GHR: variants seen among roughly 807,000 people sequenced by gnomAD.
The protein encoded by GHR is GH receptor.
A neutral mutation model predicts 67.1 loss-of-function variants in GHR; 35 were observed. The observed-to-expected ratio is 0.52, with a 90% CI of 0.40 to 0.69. The LOEUF (loss-of-function observed/expected upper bound fraction) is 0.69, where lower values mean the gene tolerates loss of function less well. GHR is among the 30% of genes least tolerant of loss of function. GHR has a pLI of 0.00. For synonymous variants in GHR, 272 were observed against 269.1 expected (o/e 1.01, Z -0.10); for missense variants, 792 against 764.6 (o/e 1.04, Z -0.42).
At chr5:42,652,328 T>G (rs1412920938) in intron 3 of GHR, among the ~76,000 whole-genome samples, 1 of 152,050 alleles carries the variant, frequency 6.6e-6, no homozygotes, top group Non-Finnish European at 1.5e-5. Context: ...TCTGTTGGTA[T>G]GGCTAGAAGT....
intron 3 of GHR, among the ~76,000 whole-genome samples, chr5:42,643,155 G>A (rs934682940): frequency 3.9e-5 from 6 of 152,168 alleles, no homozygotes; most frequent in Non-Finnish European, 5.9e-5. Context: ...AAAAATTCAC[G>A]CCACAACTGA....
chr5:42,524,130 CTTTGGAACTGGGTAACTGGCAGAG>C, intron 1 of GHR, among the ~76,000 whole-genome samples: 1 of 152,260 alleles, frequency 6.6e-6, no homozygotes, highest in South Asian at 2.1e-4. Context: ...GTGGAAGTGA[CTTTGGAACTGGGTAACTGGCAGAG>C]TTTGGAAGAG....
intron 1 of GHR, among the ~76,000 whole-genome samples, chr5:42,465,214 G>A (rs931670236): frequency 6.6e-6 from 1 of 152,156 alleles, no homozygotes; most frequent in Admixed American, 6.5e-5. Flanking sequence ...GGGCGCAGAG[G>A]CTGCTGTCAA....
chr5:42,445,639 T>C (rs531347122), intron 1 of GHR, among the ~76,000 whole-genome samples: 3 of 152,370 alleles, frequency 2.0e-5, no homozygotes, highest in South Asian at 4.1e-4. Flanking sequence ...TTTATCCTGA[T>C]GTAAATCACA....
In GHR at chr5:42,720,196, A is replaced by C. The variant is rs1758950950; in HGVS notation, c.*772A>C. Reference sequence around the variant, plus strand: ...GATTGTAGTAATCTGCATTATTGGAATATAATTGTTTTATCTGAATTTTTA... The same window carrying C: ...GATTGTAGTAATCTGCATTATTGGACTATAATTGTTTTATCTGAATTTTTA... On this transcript the variant is annotated 3_prime_UTR_variant, in exon 10 of 10. Coordinates refer to ENST00000230882, the MANE Select transcript of GHR (RefSeq NM_000163.5). 6.6e-6 allele frequency: 1 copy of C among 152,292 alleles called. No homozygotes were observed. The highest frequency in any genetic ancestry group is 1.5e-5 in the Non-Finnish European group (1 of 68,074). 9.4% of individuals were successfully genotyped at this position (152,292 alleles called of 1,614,324 possible). A position where few individuals can be genotyped will look rare whatever the true frequency, so the allele number is the denominator to read the frequency against.
intron 5 of GHR, 130 bp downstream of exon 5, chr5:42,695,219 T>C: frequency 1.4e-6 from 1 of 720,258 alleles, no homozygotes; most frequent in East Asian, 2.7e-5. Context: ...AGATCTGTTT[T>C]ACAGGAGATG....
At chr5:42,579,132 TAGATAGATG>T (rs1750975930) in intron 2 of GHR, among the ~76,000 whole-genome samples, 23 of 81,522 alleles carry the variant, frequency 2.8e-4, no homozygotes, top group East Asian at 1.4e-3. Flanking sequence ...GATAGATAGA[TAGATAGATG>T]ATAGATAGAT....
chr5:42,489,924 C>A (rs1431629453), intron 1 of GHR, among the ~76,000 whole-genome samples: 1 of 152,136 alleles, frequency 6.6e-6, no homozygotes, highest in Non-Finnish European at 1.5e-5. Context: ...TAAATATCCT[C>A]CCTTTTTTTC....
At chr5:42,468,467 G>A (rs928800844) in intron 1 of GHR, 2 of 831,784 alleles carry the variant, frequency 2.4e-6, no homozygotes, top group African/African-American at 3.4e-5. Context: ...CAGCTGAGAG[G>A]CCCGACCAGA....
chr5:42,463,918 G>A (rs886104699), intron 1 of GHR, among the ~76,000 whole-genome samples: 11 of 140,898 alleles, frequency 7.8e-5, no homozygotes, highest in African/African-American at 2.9e-4. Flanking sequence ...GCGTGAACCC[G>A]AGAGGCGGAG....
At chr5:42,661,551 T>G (rs1755624172) in intron 3 of GHR, among the ~76,000 whole-genome samples, 2 of 152,118 alleles carry the variant, frequency 1.3e-5, no homozygotes, top group South Asian at 4.1e-4. Context: ...GACAAGCAAA[T>G]GCTGAGAGAT....
intron 2 of GHR, among the ~76,000 whole-genome samples, chr5:42,573,053 T>C (rs1394359733): frequency 1.3e-5 from 2 of 152,236 alleles, no homozygotes; most frequent in South Asian, 2.1e-4. Context: ...TAAAATGTTA[T>C]AGAATTAAAA....
chr5:42,641,526 C>T (rs541200041), intron 3 of GHR, among the ~76,000 whole-genome samples: 2 of 152,162 alleles, frequency 1.3e-5, no homozygotes, highest in South Asian at 4.1e-4. Context: ...GCTGGTGAAC[C>T]ATGGCTGGCT....
intron 1 of GHR, among the ~76,000 whole-genome samples, chr5:42,538,574 G>T (rs1748365254): frequency 6.6e-6 from 1 of 152,100 alleles, no homozygotes. Context: ...TCCTTTATAG[G>T]TTACCCAGTG....
At chr5:42,557,793 G>T (rs7714392) in intron 1 of GHR, among the ~76,000 whole-genome samples, 47,383 of 152,092 alleles carry the variant, frequency 0.31, 8,883 homozygotes, top group African/African-American at 0.51. Context: ...GCTGCCAGTG[G>T]ATCAGATGTC....
At chr5:42,695,204 C>T in intron 5 of GHR, 115 bp downstream of exon 5, 2 of 756,934 alleles carry the variant, frequency 2.6e-6, no homozygotes, top group Non-Finnish European at 4.7e-6. Flanking sequence ...TCTATAGATA[C>T]ATGGAGATCT....
intron 2 of GHR, among the ~76,000 whole-genome samples, chr5:42,628,230 G>A (rs574950582): frequency 2.0e-4 from 30 of 152,138 alleles, no homozygotes; most frequent in African/African-American, 6.7e-4. Context: ...GCACGATAGG[G>A]GGTGTTTTGG....
At chr5:42,490,972 A>G (rs1746090223) in intron 1 of GHR, among the ~76,000 whole-genome samples, 2 of 152,242 alleles carry the variant, frequency 1.3e-5, no homozygotes, top group African/African-American at 2.4e-5. Flanking sequence ...GACACTGCAA[A>G]TGACAGTGCC....
At chr5:42,468,254 C>A (rs957957413) in intron 1 of GHR, 15 of 1,555,236 alleles carry the variant, frequency 9.6e-6, no homozygotes, top group Non-Finnish European at 1.3e-5. Flanking sequence ...TCTTCTTCCT[C>A]CTCCTCCTTT....
Sources: gnomAD v4.1 joint callset for allele counts (sites outside exome capture counted in the v4.1 genomes callset) on GRCh38, gnomAD v4.1.1 for gene constraint, MANE v1.5 for transcripts, NCBI Gene and HGNC (gene_info 2026-07-23, HGNC 2026-07-21) for gene names.